The following CALN1 variants were observed in gnomAD, a reference collection of about 807,000 sequenced individuals.
CALN1 encodes calcium-binding protein 8.
A neutral mutation model predicts 30.6 loss-of-function variants in CALN1; 17 were observed. That is an observed-to-expected ratio of 0.56 (90% CI 0.38 to 0.83). CALN1 has a LOEUF of 0.83. Among genes scored for constraint, CALN1 ranks in the 40% least tolerant of loss-of-function variants. The pLI, the probability that CALN1 is intolerant of heterozygous loss-of-function variation, is 0.00. For missense variants in CALN1, 291 were observed against 354.9 expected, an observed-to-expected ratio of 0.82 and a Z score of 1.45; for synonymous variants, 156 against 131.4, an observed-to-expected ratio of 1.19 and a Z score of -1.28.
At chr7:72,112,768 C>T (rs1807670434) in intron 3 of CALN1, among the ~76,000 whole-genome samples, 2 of 152,140 alleles carry the variant, frequency 1.3e-5, no homozygotes, top group South Asian at 4.1e-4. Flanking sequence ...AGAAACTTTC[C>T]AGGCTGCAAT....
Position 72,434,437 on chromosome 7 carries a change from G to A in CALN1, c.-226+12605C>T, listed in dbSNP as rs142410039. 3.4e-3 allele frequency among the ~76,000 whole-genome samples: 514 copies of A among 151,462 alleles called. 1 individual carries two copies. Among genetic ancestry groups the A allele is most frequent in the African/African-American group, 0.011 (472 of 41,284 alleles). On this transcript the variant is annotated intron_variant, in intron 1 of 6. Transcript: ENST00000395276. ...TTCGGGAGGCTGAGGCAAGAGAATC[G>A]GTTGAACCCAGGAGGCAGAGGTTGC...
At chr7:72,364,243 C>T (rs1313140510) in intron 2 of CALN1, among the ~76,000 whole-genome samples, 1 of 152,082 alleles carries the variant, frequency 6.6e-6, no homozygotes, top group Non-Finnish European at 1.5e-5. Context: ...TAGGCAATCA[C>T]AACAGAAATC....
intron 5 of CALN1, among the ~76,000 whole-genome samples, chr7:71,900,601 C>G (rs1793794951): frequency 6.6e-6 from 1 of 152,160 alleles, no homozygotes; most frequent in African/African-American, 2.4e-5. Context: ...TTGCAGGTGG[C>G]TAAGAGCAAC....
At chr7:72,338,470 A>AGTGT (rs56695086) in intron 2 of CALN1, among the ~76,000 whole-genome samples, 2,587 of 74,670 alleles carry the variant, frequency 0.035, 117 homozygotes, top group Middle Eastern at 0.057. Context: ...CCAGCAGCAC[A>AGTGT]GTGTGTGTGT....
intron 5 of CALN1, among the ~76,000 whole-genome samples, chr7:71,930,088 A>G (rs1027767024): frequency 2.0e-5 from 3 of 152,306 alleles, no homozygotes; most frequent in African/African-American, 2.4e-5. Flanking sequence ...AATAGTTGTT[A>G]TATTGTATGG....
intron 5 of CALN1, among the ~76,000 whole-genome samples, chr7:71,968,883 ATTTT>A (rs112347759): frequency 7.3e-6 from 1 of 137,026 alleles, no homozygotes; most frequent in Admixed American, 7.2e-5. Context: ...CACCTCTACA[ATTTT>A]TTTTTTTTTT....
chr7:71,907,280 G>C (rs910753172), intron 5 of CALN1, among the ~76,000 whole-genome samples: 3 of 141,250 alleles, frequency 2.1e-5, no homozygotes, highest in Non-Finnish European at 4.5e-5. Flanking sequence ...CTTAAGGAAG[G>C]CTTGATGTGT....
intron 5 of CALN1, among the ~76,000 whole-genome samples, chr7:71,854,148 C>T (rs189557778): frequency 1.3e-5 from 2 of 152,090 alleles, no homozygotes; most frequent in East Asian, 1.9e-4. Flanking sequence ...AGTCTTTACA[C>T]AACATGGGCT....
chr7:72,288,775 C>G (rs971223657), intron 2 of CALN1, among the ~76,000 whole-genome samples: 2 of 152,112 alleles, frequency 1.3e-5, no homozygotes, highest in Non-Finnish European at 2.9e-5. Context: ...ATGATTTTTG[C>G]ACTGCTTTGT....
chr7:72,386,229 T>C (rs1036138641), intron 2 of CALN1, among the ~76,000 whole-genome samples: 14 of 152,164 alleles, frequency 9.2e-5, no homozygotes, highest in African/African-American at 3.1e-4. Flanking sequence ...TGAATCTTAA[T>C]GCATGCAAAT....
intron 5 of CALN1, among the ~76,000 whole-genome samples, chr7:71,908,565 A>G (rs1179029139): frequency 6.6e-6 from 1 of 152,158 alleles, no homozygotes; most frequent in East Asian, 1.9e-4. Flanking sequence ...TTCACGAGAA[A>G]AGTAGATATC....
intron 3 of CALN1, among the ~76,000 whole-genome samples, chr7:72,231,032 G>C (rs534485758): frequency 6.6e-6 from 1 of 152,158 alleles, no homozygotes; most frequent in South Asian, 2.1e-4. Context: ...GTGCCTTTGT[G>C]TAGCCTAGCC....
intron 2 of CALN1, among the ~76,000 whole-genome samples, chr7:72,319,269 C>T (rs1232642392): frequency 1.3e-5 from 2 of 152,198 alleles, no homozygotes; most frequent in African/African-American, 2.4e-5. Context: ...TCCACAGACT[C>T]ACGGTTCCAC....
intron 5 of CALN1, among the ~76,000 whole-genome samples, chr7:71,856,539 A>G (rs1232221285): frequency 1.3e-5 from 2 of 152,208 alleles, no homozygotes; most frequent in African/African-American, 4.8e-5. Flanking sequence ...ATGAACATAT[A>G]CATCTAGATG....
chr7:72,461,143 G>C, the CALN1 span, among the ~76,000 whole-genome samples: 177 of 152,088 alleles, frequency 1.2e-3, no homozygotes, highest in Non-Finnish European at 2.0e-3. Flanking sequence ...ACCCACGAAG[G>C]GTACAAAAGT....
At chr7:72,393,629 G>C (rs1043006150) in intron 2 of CALN1, among the ~76,000 whole-genome samples, 7 of 151,478 alleles carry the variant, frequency 4.6e-5, no homozygotes, top group African/African-American at 1.2e-4. Flanking sequence ...CCACAGCTGG[G>C]CCCCCCCCAG....
chr7:72,303,787 A>T (rs1282548600), intron 2 of CALN1, among the ~76,000 whole-genome samples: 2 of 151,848 alleles, frequency 1.3e-5, no homozygotes, highest in Non-Finnish European at 2.9e-5. Flanking sequence ...AGGCAGGAGG[A>T]TCCCTTGAGC....
rs961309946 is a variant in CALN1 at position 72,365,031 on chromosome 7, G to A, written c.119+38220C>T. 1.4e-4 allele frequency among the ~76,000 whole-genome samples: 21 copies of A among 145,604 alleles called. No homozygotes were observed. The East Asian group carries it at 2.7e-3, about 19-fold the overall frequency. On this transcript the variant is annotated intron_variant, in intron 2 of 6. Coordinates refer to ENST00000395275, the MANE Select transcript of CALN1 (RefSeq NM_031468.4). ...CTAAAAATATAAAAATTAGCCGGGC[G>A]TGGTGGCACACACCTGCAATCCCAG...
intron 2 of CALN1, among the ~76,000 whole-genome samples, chr7:72,396,061 C>T (rs1805917962): frequency 1.3e-5 from 2 of 151,562 alleles, no homozygotes; most frequent in South Asian, 4.2e-4. Context: ...ATCTGATCAG[C>T]AAACTGATGG....
Sources: allele counts gnomAD v4.1 joint callset (sites outside exome capture counted in the v4.1 genomes callset), GRCh38; gene constraint gnomAD v4.1.1; transcripts MANE v1.5; gene names NCBI Gene and HGNC (gene_info 2026-07-23, HGNC 2026-07-21).